PRKAG2: variants seen among roughly 807,000 people sequenced by gnomAD.
The protein encoded by PRKAG2 is 5'-AMP-activated protein kinase subunit gamma-2.
Under a neutral mutation model 69.6 loss-of-function variants are expected in PRKAG2, and 26 were observed. The observed-to-expected ratio is 0.37, with a 90% CI of 0.27 to 0.52. The LOEUF (loss-of-function observed/expected upper bound fraction) is 0.52. Ranked by LOEUF, PRKAG2 falls within the 20% of genes least tolerant of loss-of-function variation. The pLI, the probability that PRKAG2 is intolerant of heterozygous loss-of-function variation, is 0.90. For synonymous variants in PRKAG2, 293 were observed against 285.0 expected (o/e 1.03, Z -0.28); for missense variants, 557 against 740.0 (o/e 0.75, Z 2.87).
chr7:151,789,707 G>A (rs896465908), intron 1 of PRKAG2, among the ~76,000 whole-genome samples: 4 of 152,246 alleles, frequency 2.6e-5, no homozygotes, highest in African/African-American at 9.6e-5. Flanking sequence ...AGCCCTGGCT[G>A]CACACTGACA....
intron 1 of PRKAG2, among the ~76,000 whole-genome samples, chr7:151,826,241 C>G (rs187089841): frequency 6.6e-6 from 1 of 151,746 alleles, no homozygotes; most frequent in Admixed American, 6.6e-5. Flanking sequence ...AGTGCAGTGG[C>G]GTGACCTCGG....
chr7:151,860,030 T>C (rs933124812), intron 1 of PRKAG2, among the ~76,000 whole-genome samples: 2 of 151,990 alleles, frequency 1.3e-5, no homozygotes, highest in Non-Finnish European at 2.9e-5. Context: ...CTGACGGAGG[T>C]GGCCGGGCAC....
chr7:151,694,459 C>T lies in PRKAG2; in HGVS notation c.467-18822G>A, dbSNP rs567175464. 4.6e-5 allele frequency among the ~76,000 whole-genome samples: 7 copies of T among 152,244 alleles called. No individual in the cohort carries two copies. The East Asian group carries it at 1.4e-3, about 29-fold the overall frequency. ...CTCATAAAAATAACTCATTTCTCCC[C>T]ACCTGCAACCCCTGGCAACCATCTT... On this transcript the variant is annotated intron_variant, in intron 3 of 15. Coordinates refer to ENST00000287878, the MANE Select transcript of PRKAG2 (RefSeq NM_016203.4).
chr7:151,558,480 G>A (rs1804256222), intron 15 of PRKAG2: 2 of 982,690 alleles, frequency 2.0e-6, no homozygotes, highest in African/African-American at 3.5e-5. Flanking sequence ...GAAGAAATTG[G>A]GGCTGAAGGA....
intron 3 of PRKAG2, among the ~76,000 whole-genome samples, chr7:151,696,665 G>C (rs1585844326): frequency 1.3e-5 from 2 of 152,342 alleles, no homozygotes; most frequent in South Asian, 2.1e-4. Context: ...CAAAAGCAGA[G>C]AGTCTGGGAT....
At chr7:151,758,052 C>T (rs1403806769) in intron 3 of PRKAG2, among the ~76,000 whole-genome samples, 6 of 152,244 alleles carry the variant, frequency 3.9e-5, no homozygotes, top group Non-Finnish European at 5.9e-5. Flanking sequence ...TTGCTTTGTG[C>T]TTGTCCCTAC....
At chr7:151,685,795 G>A (rs1193464775) in intron 3 of PRKAG2, among the ~76,000 whole-genome samples, 2 of 151,752 alleles carry the variant, frequency 1.3e-5, no homozygotes, top group African/African-American at 2.4e-5. Context: ...TTCTAATATG[G>A]TGAATATTGA....
chr7:151,751,589 G>A (rs556820502), intron 3 of PRKAG2, among the ~76,000 whole-genome samples: 39 of 152,016 alleles, frequency 2.6e-4, no homozygotes, highest in African/African-American at 6.3e-4. Flanking sequence ...CACTGCAGCC[G>A]TGAACTCCTG....
chr7:151,631,614 A>C, intron 5 of PRKAG2: 1 of 452,368 alleles, frequency 2.2e-6, no homozygotes, highest in Non-Finnish European at 4.5e-6. Context: ...AACTTTCCCC[A>C]TTAAAAAAGA....
In PRKAG2 at chr7:151,786,519, G is replaced by T. The variant is rs373477232; in HGVS notation, c.137C>A (p.Pro46Gln). 3.1e-6 allele frequency: 5 copies of T among 1,612,946 alleles called. No homozygotes were observed. The East Asian group carries it at 1.1e-4, about 36-fold the overall frequency. Residue 46 changes from proline to glutamine, a missense_variant, in exon 2 of 16, where the codon CCG becomes CAG. Around this residue, in one of 2 missense-constraint regions of PRKAG2, gnomAD observed 352 missense variants for 356.7 expected, o/e 0.99. Coordinates refer to ENST00000287878, the MANE Select transcript of PRKAG2 (RefSeq NM_016203.4). ...HIPDLSSFAM[P>Q]LLDGDLEGSG... ...ACCCTCCAGGTCTCCGTCCAGGAGCGGCATGGCGAAGGAGCTCAGGTCCTA... is the reference window on the plus strand; with the variant it reads ...ACCCTCCAGGTCTCCGTCCAGGAGCTGCATGGCGAAGGAGCTCAGGTCCTA...
intron 3 of PRKAG2, among the ~76,000 whole-genome samples, chr7:151,693,965 G>A (rs1836152049): frequency 6.6e-6 from 1 of 151,856 alleles, no homozygotes. Flanking sequence ...TGTGACCCCT[G>A]GGTTCAAGCA....
chr7:151,623,786 C>T (rs1391019607), intron 5 of PRKAG2, among the ~76,000 whole-genome samples: 1 of 151,976 alleles, frequency 6.6e-6, no homozygotes, highest in African/African-American at 2.4e-5. Context: ...GCTCTAATTA[C>T]ACATGCATTA....
At position 151,719,795 on chromosome 7, in the gene PRKAG2, CT is replaced by C. The variant is rs200452602; in HGVS notation, c.467-44159del. 0.2 allele frequency among the ~76,000 whole-genome samples: 30,844 copies of C among 152,042 alleles called. 3,375 individuals are homozygous for C. The highest frequency in any genetic ancestry group is 0.32 in the Middle Eastern group (92 of 286). On this transcript the variant is annotated intron_variant, in intron 3 of 15. Transcript: ENST00000287878. The surrounding 1 kb of genome is among the most constrained non-coding windows in gnomAD (Gnocchi z 5.2). ...AACAAGAAACTGGAGCCTGCCCCTC[CT>C]CCCCCTGAGTTTGCCAGGCAGCCTG...
intron 3 of PRKAG2, 54 bp from the exon 4 acceptor site, chr7:151,675,691 C>G (rs143613893): frequency 2.0e-6 from 3 of 1,521,598 alleles, no homozygotes; most frequent in Non-Finnish European, 2.7e-6. Context: ...GAAGGGACGT[C>G]GGGGGTGGTC....
At chr7:151,603,777 T>C (rs1364284487) in intron 5 of PRKAG2, among the ~76,000 whole-genome samples, 1 of 152,210 alleles carries the variant, frequency 6.6e-6, no homozygotes, top group East Asian at 1.9e-4. Context: ...AGGTACTCTT[T>C]CCCTCCTCCT....
At chr7:151,733,484 A>G (rs774228395) in intron 3 of PRKAG2, among the ~76,000 whole-genome samples, 4 of 152,246 alleles carry the variant, frequency 2.6e-5, no homozygotes, top group Non-Finnish European at 5.9e-5. Context: ...TGTCTGGCAC[A>G]TAATAGGCTC....
chr7:151,589,177 C>T lies in PRKAG2; in HGVS notation c.864+6168G>A, dbSNP rs377557430. ...GCCTGCAGCTCCCGTGAGCTCCACCCAGGCACTGCCTTACCTGGGCACCGA... is the reference window on the plus strand; with the variant it reads ...GCCTGCAGCTCCCGTGAGCTCCACCTAGGCACTGCCTTACCTGGGCACCGA... On this transcript the variant is annotated intron_variant, in intron 6 of 15. Transcript: ENST00000287878. Among the ~76,000 whole-genome samples, 103 of 152,374 alleles carry T rather than the reference C, an allele frequency of 6.8e-4. 1 individual carries two copies. The Middle Eastern group carries it at 0.031, about 45-fold the overall frequency.
At chr7:151,789,251 T>A (rs1412980296) in intron 1 of PRKAG2, among the ~76,000 whole-genome samples, 1 of 152,242 alleles carries the variant, frequency 6.6e-6, no homozygotes, top group African/African-American at 2.4e-5. Context: ...TGGGTAGTCC[T>A]GACCTCTTAA....
rs112461305 is a variant in PRKAG2, at chr7:151,763,763, C to T, written c.466+17389G>A. ...TCCCTCGTGTGCCAGCCATACCCAG[C>T]TGTCTGTCTCCAGATGCCGTGCCTG... On this transcript the variant is annotated intron_variant, in intron 3 of 15. Coordinates refer to ENST00000287878, the MANE Select transcript of PRKAG2 (RefSeq NM_016203.4). Among the ~76,000 whole-genome samples, 6 of 152,366 alleles carry T rather than the reference C, an allele frequency of 3.9e-5. 1 individual carries two copies. The highest frequency in any genetic ancestry group is 1.4e-4 in the African/African-American group (6 of 41,592).
Sources: gnomAD v4.1 joint callset for allele counts (sites outside exome capture counted in the v4.1 genomes callset) on GRCh38, gnomAD v4.1.1 for gene constraint, gnomAD v4.1.1 regional missense constraint, Gnocchi (gnomAD v3.1) non-coding constraint, MANE v1.5 for transcripts, NCBI Gene and HGNC (gene_info 2026-07-23, HGNC 2026-07-21) for gene names.